Variants in GDPD4 observed in about 807,000 individuals in gnomAD.
GDPD4 encodes glycerophosphodiester phosphodiesterase 6.
In GDPD4, 60 loss-of-function variants were observed where a neutral mutation model predicts 67.8. The ratio of observed to expected loss-of-function variants is 0.88; its 90% CI spans 0.72 to 1.10. The LOEUF (loss-of-function observed/expected upper bound fraction) is 1.10, where lower values mean the gene tolerates loss of function less well. Ranked by LOEUF, GDPD4 falls within the 50% of genes least tolerant of loss-of-function variation. The pLI, the probability that GDPD4 is intolerant of heterozygous loss-of-function variation, is 0.00. For synonymous variants in GDPD4, 212 were observed against 210.9 expected, an observed-to-expected ratio of 1.00 and a Z score of -0.04; for missense variants, 623 against 613.9, an observed-to-expected ratio of 1.01 and a Z score of -0.16.
intron 11 of GDPD4, among the ~76,000 whole-genome samples, chr11:77,257,552 TACACACACACACACAC>T (rs71043563): frequency 5.2e-5 from 7 of 134,266 alleles, no homozygotes; most frequent in South Asian, 5.4e-4. Context: ...CTCCCTCTCC[TACACACACACACACAC>T]ACACACACAC....
chr11:77,252,510 T>C (rs1348238675), intron 11 of GDPD4, among the ~76,000 whole-genome samples: 1 of 152,228 alleles, frequency 6.6e-6, no homozygotes, highest in Non-Finnish European at 1.5e-5. Context: ...CAGTAATTCA[T>C]TTATTTCCTT....
At position 77,285,087 on chromosome 11, in the gene GDPD4, G is replaced by A. The variant is rs1959937850; in HGVS notation, c.51C>T (p.Asp17=). 3.1e-6 allele frequency: 5 copies of A among 1,608,496 alleles called. No homozygotes were observed. The East Asian group carries it at 6.7e-5, about 22-fold the overall frequency. ...IETSSEYFNF[D]WVTFLGTGYW... is the part of the protein sequence containing the mutation. ...AAACTACAAAAAGTGAAACTCACCA[G>A]TCAAAGTTAAAGTATTCACTGGATG... is the stretch of plus-strand genomic sequence containing the variant. The change falls in exon 3 of 17, where the codon GAC becomes GAT. Residue 17 remains aspartate (D), a splice_region_variant and synonymous_variant. Coordinates refer to ENST00000315938, the MANE Select transcript of GDPD4 (RefSeq NM_182833.3).
At chr11:77,223,372 G>C (rs375779381) in intron 16 of GDPD4, among the ~76,000 whole-genome samples, 28 of 152,094 alleles carry the variant, frequency 1.8e-4, no homozygotes, top group African/African-American at 6.7e-4. Flanking sequence ...ATGGGGTTTT[G>C]GTTATGGATG....
intron 10 of GDPD4, among the ~76,000 whole-genome samples, chr11:77,263,728 T>C (rs1475635365): frequency 2.0e-5 from 3 of 152,350 alleles, no homozygotes; most frequent in East Asian, 3.9e-4. Context: ...CAGGTTCTCA[T>C]ATGGCTTGGC....
intron 4 of GDPD4, among the ~76,000 whole-genome samples, chr11:77,277,829 G>A (rs978743254): frequency 8.6e-5 from 13 of 151,428 alleles, no homozygotes; most frequent in African/African-American, 2.9e-4. Context: ...TGTGATGTTA[G>A]GATGTCAATT....
chr11:77,250,079 G>A (rs1020391947), intron 11 of GDPD4, among the ~76,000 whole-genome samples: 3 of 151,996 alleles, frequency 2.0e-5, no homozygotes, highest in African/African-American at 7.2e-5. Context: ...TTTTATTTGA[G>A]CCAATAAAAT....
chr11:77,221,151 G>T lies in GDPD4; in HGVS notation c.1526-3837C>A, dbSNP rs1462261538. Among the ~76,000 whole-genome samples, 5 of 151,638 alleles carry T rather than the reference G, an allele frequency of 3.3e-5. No homozygotes were observed. The East Asian group carries it at 9.7e-4, about 29-fold the overall frequency. ...TAATTGATTCTTCTCTATTATTCTT[G>T]CTAGTGGTCTATCAATTTTATCTTT... On this transcript the variant is annotated intron_variant, in intron 16 of 16. Coordinates refer to ENST00000315938, the MANE Select transcript of GDPD4 (RefSeq NM_182833.3).
In GDPD4 at chr11:77,229,144, AC is replaced by A; in HGVS notation, c.1472+5del. On this transcript the variant is annotated splice_donor_5th_base_variant and intron_variant, in intron 15 of 16. Coordinates refer to ENST00000315938, the MANE Select transcript of GDPD4 (RefSeq NM_182833.3). The stretch of plus-strand genomic sequence containing the variant: ...AAAATTCATTTAAAATTATATATAT[AC>A]TTACCAGTGAAAACAAAATATGGCA... The A allele has an allele frequency of 3.5e-6, 5 of 1,424,940 alleles. No homozygotes were observed. Among genetic ancestry groups the A allele is most frequent in the Non-Finnish European group, 4.9e-6 (5 of 1,020,570 alleles). 88.3% of individuals were successfully genotyped at this position (1,424,940 alleles called of 1,614,324 possible). A position where few individuals can be genotyped will look rare whatever the true frequency, so the allele number is the denominator to read the frequency against.
Position 77,217,243 on chromosome 11 carries a change from A to T in GDPD4, c.*34T>A. 6.5e-7 allele frequency: 1 copy of T among 1,534,482 alleles called. No homozygotes were observed. The highest frequency in any genetic ancestry group is 9.0e-7 in the Non-Finnish European group (1 of 1,107,458). The stretch of plus-strand genomic sequence containing the variant: ...TCCAAGGACCTTCCACAACTCGGAC[A>T]GGAGGTTTCATGGCTATGTGCAAAT... On this transcript the variant is annotated 3_prime_UTR_variant, in exon 17 of 17. Coordinates refer to ENST00000315938, the MANE Select transcript of GDPD4 (RefSeq NM_182833.3).
Position 77,270,044 on chromosome 11 carries a change from C to T in GDPD4, c.401-84G>A, listed in dbSNP as rs529781470. 30 of 665,946 alleles carry T rather than the reference C, an allele frequency of 4.5e-5. No individual in the cohort carries two copies. The South Asian group carries it at 5.3e-4, about 12-fold the overall frequency. The allele number at this position is 665,946 out of a possible 1,614,324, so 41.3% of individuals were successfully genotyped here. A position where few individuals can be genotyped will look rare whatever the true frequency, so the allele number is the denominator to read the frequency against. On this transcript the variant is annotated intron_variant, in intron 7 of 16. Coordinates refer to ENST00000315938, the MANE Select transcript of GDPD4 (RefSeq NM_182833.3). ...CCCAGAAATACTTTCTAAAATTTACCCTCCACACACAAGCATATATATATA... is the reference window on the plus strand; with the variant it reads ...CCCAGAAATACTTTCTAAAATTTACTCTCCACACACAAGCATATATATATA...
At position 77,276,147 on chromosome 11, in the gene GDPD4, C is replaced by T. The variant is rs1959456232; in HGVS notation, c.207+14G>A. On this transcript the variant is annotated intron_variant, in intron 5 of 16. Transcript: ENST00000315938. ...CCTGGTCTAAGGTTTCCTATGTGGA[C>T]TCAGATGTCCTACCTTATGACACAA... is the stretch of plus-strand genomic sequence containing the variant. 2 of 1,606,500 alleles carry T rather than the reference C, an allele frequency of 1.2e-6. No individual in the cohort carries two copies. Among genetic ancestry groups the T allele is most frequent in the African/African-American group, 1.3e-5 (1 of 74,724 alleles).
Position 77,217,224 on chromosome 11 carries a change from G to C in GDPD4, c.*53C>G. On this transcript the variant is annotated 3_prime_UTR_variant, in exon 17 of 17. Coordinates refer to ENST00000315938, the MANE Select transcript of GDPD4 (RefSeq NM_182833.3). ...GGGTAGAGGGCTGCTAGAGTCCAAGGACCTTCCACAACTCGGACAGGAGGT... is the reference window on the plus strand; with the variant it reads ...GGGTAGAGGGCTGCTAGAGTCCAAGCACCTTCCACAACTCGGACAGGAGGT... 1 of 1,360,690 alleles carries C rather than the reference G, an allele frequency of 7.3e-7. No individual in the cohort carries two copies. The highest frequency in any genetic ancestry group is 1.1e-6 in the Non-Finnish European group (1 of 948,784). The allele number at this position is 1,360,690 out of a possible 1,614,324, so 84.3% of individuals were successfully genotyped here.
At chr11:77,253,841 T>G (rs1471715112) in intron 11 of GDPD4, among the ~76,000 whole-genome samples, 1 of 152,106 alleles carries the variant, frequency 6.6e-6, no homozygotes, top group Non-Finnish European at 1.5e-5. Context: ...AAGAGGTAGA[T>G]GGAGCTGTTC....
intron 12 of GDPD4, 101 bp from the exon 13 acceptor site, chr11:77,243,949 T>C (rs1958728239): frequency 1.4e-6 from 1 of 739,810 alleles, no homozygotes; most frequent in Middle Eastern, 2.4e-4. Flanking sequence ...ACAGGTAGTA[T>C]TCTACAGAGA....
intron 1 of GDPD4, among the ~76,000 whole-genome samples, chr11:77,294,426 G>A (rs1411663269): frequency 6.6e-6 from 1 of 152,094 alleles, no homozygotes; most frequent in Non-Finnish European, 1.5e-5. Flanking sequence ...ATATGTGCAG[G>A]ATCTGCATGC....
chr11:77,276,291 T>C, intron 4 of GDPD4, 71 bp from the exon 5 acceptor site: 1 of 1,140,266 alleles, frequency 8.8e-7, no homozygotes, highest in South Asian at 1.2e-5. Flanking sequence ...ACTGTTCCTA[T>C]AGCTCCAAAT....
In GDPD4 at chr11:77,217,306, T is replaced by C. The variant is rs1192146532; in HGVS notation, c.1534A>G (p.Ser512Gly). 6 of 1,604,788 alleles carry C rather than the reference T, an allele frequency of 3.7e-6. No individual in the cohort carries two copies. Among genetic ancestry groups the C allele is most frequent in the Non-Finnish European group, 5.1e-6 (6 of 1,171,640 alleles). Residue 512 changes from serine (S) to glycine (G), a missense_variant, in exon 17 of 17, where the codon AGT becomes GGT. By Grantham distance (56) the Ser-to-Gly change is moderately conservative. Transcript: ENST00000315938. ...CTATCTTCCTCATTCTTACTTCCAC[T>C]CTGAGTATCTGTGGGATGGAAAAGA... ...ETSSTRTDTQ[S>G]GSKNEEDR
intron 1 of GDPD4, among the ~76,000 whole-genome samples, chr11:77,289,559 G>A (rs112243384): frequency 6.5e-4 from 99 of 151,686 alleles, no homozygotes; most frequent in African/African-American, 1.2e-3. Flanking sequence ...ATGAAACCCC[G>A]TCTCTACTAA....
intron 2 of GDPD4, among the ~76,000 whole-genome samples, chr11:77,286,500 C>T (rs1960000976): frequency 6.6e-6 from 1 of 152,214 alleles, no homozygotes; most frequent in South Asian, 2.1e-4. Context: ...CCTCCCATTT[C>T]CTACCCCTTT....
Sources: gnomAD v4.1 joint callset for allele counts (sites outside exome capture counted in the v4.1 genomes callset) on GRCh38, gnomAD v4.1.1 for gene constraint, MANE v1.5 for transcripts, NCBI Gene and HGNC (gene_info 2026-07-23, HGNC 2026-07-21) for gene names.